The following SATB2 variants were observed in gnomAD, a reference collection of about 807,000 sequenced individuals.
The protein encoded by SATB2 is SATB homeobox 2.
SATB2 carries 1 observed loss-of-function variant against 73.4 expected under a neutral mutation model. The ratio of observed to expected loss-of-function variants is 0.01; its 90% confidence interval spans 0.00 to 0.06. SATB2 has a LOEUF of 0.06. Among genes scored for constraint, SATB2 ranks in the 10% least tolerant of loss-of-function variants. The pLI is 1.00. For missense variants in SATB2, 459 were observed against 945.8 expected (o/e 0.49, Z 6.75); for synonymous variants, 397 against 367.0 (o/e 1.08, Z -0.93).
chr2:199,353,148 CTTTTTTTTTT>C (rs11369554), intron 6 of SATB2, among the ~76,000 whole-genome samples: 123 of 88,030 alleles, frequency 1.4e-3, no homozygotes, highest in African/African-American at 4.6e-3. Context: ...ACGTTTTTGT[CTTTTTTTTTT>C]TTTTTTTTTT....
rs1687244886 is a variant in SATB2, at chr2:199,300,328, T to A, written c.1740+8432A>T. Among the ~76,000 whole-genome samples, 5 of 151,646 alleles carry A rather than the reference T, an allele frequency of 3.3e-5. No homozygotes were observed. The South Asian group carries it at 1.0e-3, about 32-fold the overall frequency. The stretch of plus-strand genomic sequence containing the variant: ...ATTAAAAAAGAAAGCCAATGAAGCT[T>A]TATGTTCAAAAGCATTCTGTTTAGT... On this transcript the variant is annotated intron_variant, in intron 10 of 10. Coordinates refer to ENST00000417098, the MANE Select transcript of SATB2 (RefSeq NM_001172509.2).
At chr2:199,442,417 G>A (rs1433749448) in intron 2 of SATB2, among the ~76,000 whole-genome samples, 1 of 152,176 alleles carries the variant, frequency 6.6e-6, no homozygotes, top group East Asian at 1.9e-4. Flanking sequence ...GTAACAAAGT[G>A]GCATGCTGCA....
chr2:199,311,629 G>GT (rs1364406746), intron 9 of SATB2, among the ~76,000 whole-genome samples: 1 of 152,080 alleles, frequency 6.6e-6, no homozygotes, highest in Non-Finnish European at 1.5e-5. Flanking sequence ...CCATATATAG[G>GT]TATTTATTTT....
chr2:199,386,694 AAGCGCGCGCG>A (rs71958585), intron 3 of SATB2, among the ~76,000 whole-genome samples: 2,497 of 142,846 alleles, frequency 0.017, 86 homozygotes, highest in African/African-American at 0.052. Flanking sequence ...ACACGTGCGC[AAGCGCGCGCG>A]CGCGCGCGCG....
chr2:199,458,004 G>A (rs1473702540), upstream of SATB2: 2 of 154,770 alleles, frequency 1.3e-5, no homozygotes, highest in African/African-American at 4.8e-5. Context: ...TGAGTCATCA[G>A]GCAAAGTGAG....
intron 3 of SATB2, among the ~76,000 whole-genome samples, chr2:199,386,575 T>C (rs149224176): frequency 2.3e-4 from 35 of 152,342 alleles, no homozygotes; most frequent in South Asian, 1.4e-3. Flanking sequence ...AATGATGGCA[T>C]AACTTAAGTA....
chr2:199,455,203 C>A lies in SATB2; in HGVS notation c.169+666G>T, dbSNP rs1183673302. Among the ~76,000 whole-genome samples the A allele has an allele frequency of 2.6e-5, 4 of 152,116 alleles. No homozygotes were observed. Among genetic ancestry groups the A allele is most frequent in the South Asian group, 2.1e-4 (1 of 4,828 alleles). ...CTTTAAATAAAATTATTAATAAATT[C>A]TTTGGAGGGGAAACTACATCTAGTT... On this transcript the variant is annotated intron_variant, in intron 2 of 10. Coordinates refer to ENST00000417098, the MANE Select transcript of SATB2 (RefSeq NM_001172509.2). This position sits in a 1 kb window ranked among gnomAD's most constrained non-coding sequence, Gnocchi z 4.1.
chr2:199,413,742 T>C (rs1262943549), intron 3 of SATB2, among the ~76,000 whole-genome samples: 2 of 152,126 alleles, frequency 1.3e-5, no homozygotes, highest in Non-Finnish European at 2.9e-5. Flanking sequence ...TCTGCTCTTC[T>C]TTCCCTACCC....
In SATB2 at chr2:199,272,547, G is replaced by A; in HGVS notation, c.1866C>T (p.Ser622=). The A allele has an allele frequency of 1.9e-6, 3 of 1,614,180 alleles. No homozygotes were observed. The highest frequency in any genetic ancestry group is 2.5e-6 in the Non-Finnish European group (3 of 1,180,026). ...TTTGGAGGATCCCCAGGGCTTCTAA[G>A]GAGATCTTTGTGCGAGACCGGGGCT... is the stretch of plus-strand genomic sequence containing the variant. ...AKKPRSRTKI[S]LEALGILQSF... The change falls in exon 11 of 11, where the codon TCC becomes TCT. Residue 622 remains serine, a synonymous_variant. Transcript: ENST00000417098. The surrounding 1 kb of genome is among the most constrained non-coding windows in gnomAD (Gnocchi z 6.7).
At chr2:199,358,229 A>G (rs372715207) in intron 6 of SATB2, among the ~76,000 whole-genome samples, 2 of 152,142 alleles carry the variant, frequency 1.3e-5, no homozygotes, top group South Asian at 2.1e-4. Flanking sequence ...ATGCCTAGTC[A>G]CTGAAAATAC....
intron 2 of SATB2, among the ~76,000 whole-genome samples, chr2:199,445,647 GA>G (rs1691942480): frequency 6.6e-6 from 1 of 152,054 alleles, no homozygotes; most frequent in South Asian, 2.1e-4. Flanking sequence ...ATTTGAGAAG[GA>G]AAAAAGTCAG....
intron 7 of SATB2, among the ~76,000 whole-genome samples, chr2:199,332,767 T>C (rs544835987): frequency 1.1e-3 from 165 of 152,288 alleles, no homozygotes; most frequent in African/African-American, 3.8e-3. Context: ...GCATGTACAA[T>C]ATATGCTGAT....
chr2:199,422,475 C>G (rs1267732364), intron 3 of SATB2, among the ~76,000 whole-genome samples: 1 of 152,038 alleles, frequency 6.6e-6, no homozygotes, highest in Non-Finnish European at 1.5e-5. Context: ...CATTTAAGCT[C>G]AAAACAAGCT....
intron 3 of SATB2, among the ~76,000 whole-genome samples, chr2:199,394,620 C>T (rs1232986373): frequency 6.6e-6 from 1 of 151,918 alleles, no homozygotes; most frequent in Non-Finnish European, 1.5e-5. Flanking sequence ...TAAAGAGAAG[C>T]CCTGTCTCTG....
intron 3 of SATB2, chr2:199,397,871 C>A (rs1228423667): frequency 1.4e-5 from 4 of 289,930 alleles, no homozygotes; most frequent in East Asian, 1.4e-4. Flanking sequence ...GTCTCAAAAA[C>A]AAACAAACAA....
chr2:199,393,394 A>G (rs535871724), intron 3 of SATB2, among the ~76,000 whole-genome samples: 1 of 152,190 alleles, frequency 6.6e-6, no homozygotes, highest in East Asian at 1.9e-4. Context: ...AACCCCCAAC[A>G]TATGGAAAAG....
chr2:199,439,540 T>C (rs1446876722), intron 2 of SATB2, among the ~76,000 whole-genome samples: 1 of 152,196 alleles, frequency 6.6e-6, no homozygotes, highest in Non-Finnish European at 1.5e-5. Flanking sequence ...CTGTTTGAAA[T>C]ACTGAAACAA....
At position 199,308,507 on chromosome 2, in the gene SATB2, C is replaced by A. The variant is rs1687498463; in HGVS notation, c.1740+253G>T. Among the ~76,000 whole-genome samples, 1 of 152,104 alleles carries A rather than the reference C, an allele frequency of 6.6e-6. No individual in the cohort carries two copies. The highest frequency in any genetic ancestry group is 6.5e-5 in the Admixed American group (1 of 15,268). On this transcript the variant is annotated intron_variant, in intron 10 of 10. Coordinates refer to ENST00000417098, the MANE Select transcript of SATB2 (RefSeq NM_001172509.2). The surrounding 1 kb of genome is among the most constrained non-coding windows in gnomAD (Gnocchi z 4.6). Reference sequence around the variant, plus strand: ...AAAATGATCTCAGGAAAGCAGCTGTCTTTGGCATTCAACTTCTCAGTCATT... The same window carrying A: ...AAAATGATCTCAGGAAAGCAGCTGTATTTGGCATTCAACTTCTCAGTCATT...
chr2:199,439,336 G>C (rs750240673), intron 2 of SATB2, among the ~76,000 whole-genome samples: 2 of 152,222 alleles, frequency 1.3e-5, no homozygotes, highest in Non-Finnish European at 2.9e-5. Context: ...CTCTTTCAAA[G>C]AGCTCCTGAA....
Sources: allele counts gnomAD v4.1 joint callset (sites outside exome capture counted in the v4.1 genomes callset), GRCh38; gene constraint gnomAD v4.1.1; non-coding constraint Gnocchi (gnomAD v3.1); transcripts MANE v1.5; gene names NCBI Gene and HGNC (gene_info 2026-07-23, HGNC 2026-07-21).